The following LRP1B variants were observed in gnomAD, a reference collection of about 807,000 sequenced individuals.
LRP1B encodes LDL receptor related protein 1B, also known as low-density lipoprotein receptor-related protein 1B.
LRP1B carries 217 observed loss-of-function variants against 556.6 expected under a neutral mutation model. The ratio of observed to expected loss-of-function variants is 0.39; its 90% CI spans 0.35 to 0.44. The LOEUF (loss-of-function observed/expected upper bound fraction) is 0.44, where lower values mean the gene tolerates loss of function less well. Ranked by LOEUF, LRP1B falls within the 20% of genes least tolerant of loss-of-function variation. The pLI is 1.00. For missense variants in LRP1B, 5,053 were observed against 5,620.8 expected, an observed-to-expected ratio of 0.90 and a Z score of 3.23; for synonymous variants, 2,047 against 1,865.8, an observed-to-expected ratio of 1.10 and a Z score of -2.50.
rs570380164 is a variant in LRP1B at position 141,548,665 on chromosome 2, T to C, written c.206-68132A>G. On this transcript the variant is annotated intron_variant, in intron 2 of 90. Coordinates refer to ENST00000389484, the MANE Select transcript of LRP1B (RefSeq NM_018557.3). ...ACCCAAGACTTGCTCTGCTTGATTG[T>C]TAATCCATATTACTGTGCTGATTTA... is the stretch of plus-strand genomic sequence containing the variant. Among the ~76,000 whole-genome samples the C allele has an allele frequency of 7.9e-5, 12 of 152,298 alleles. No individual in the cohort carries two copies. The East Asian group carries it at 2.3e-3, about 29-fold the overall frequency.
intron 21 of LRP1B, among the ~76,000 whole-genome samples, chr2:140,909,850 T>C (rs1454681434): frequency 1.3e-5 from 2 of 150,980 alleles, no homozygotes; most frequent in Non-Finnish European, 3.0e-5. Context: ...AAAAGGCCAA[T>C]TAAAATTTTA....
chr2:142,051,784 C>G (rs1216955046), intron 1 of LRP1B, among the ~76,000 whole-genome samples: 1 of 151,968 alleles, frequency 6.6e-6, no homozygotes, highest in Non-Finnish European at 1.5e-5. Context: ...TTTGGAATTC[C>G]CCACCATATA....
At chr2:141,379,614 C>T (rs911547463) in intron 3 of LRP1B, among the ~76,000 whole-genome samples, 2 of 152,090 alleles carry the variant, frequency 1.3e-5, no homozygotes, top group African/African-American at 4.8e-5. Flanking sequence ...AACTGAACTC[C>T]CAGCTTCTCC....
At chr2:140,936,356 AAAAAAAGAAAG>A (rs1223080688) in intron 20 of LRP1B, among the ~76,000 whole-genome samples, 7 of 125,614 alleles carry the variant, frequency 5.6e-5, no homozygotes, top group African/African-American at 2.4e-4. Flanking sequence ...AAAAAAAAAA[AAAAAAAGAAAG>A]GAAAAAAGAA....
At chr2:141,669,033 G>C (rs554254077) in intron 2 of LRP1B, among the ~76,000 whole-genome samples, 2 of 152,232 alleles carry the variant, frequency 1.3e-5, no homozygotes, top group African/African-American at 4.8e-5. Context: ...TAAATGTTCT[G>C]AGTTAGTTTG....
intron 6 of LRP1B, among the ~76,000 whole-genome samples, chr2:141,199,224 CT>C (rs1252396567): frequency 6.6e-6 from 1 of 152,142 alleles, no homozygotes; most frequent in African/African-American, 2.4e-5. Context: ...TCATCAATAT[CT>C]TTACCAACAT....
chr2:141,861,324 C>T (rs531295846), intron 1 of LRP1B, among the ~76,000 whole-genome samples: 2 of 152,216 alleles, frequency 1.3e-5, no homozygotes, highest in East Asian at 3.9e-4. Context: ...TATTAGGACC[C>T]TACATTCAAT....
chr2:141,782,081 C>T (rs1695273647), intron 2 of LRP1B, among the ~76,000 whole-genome samples: 1 of 152,082 alleles, frequency 6.6e-6, no homozygotes, highest in Non-Finnish European at 1.5e-5. Context: ...TTTGGCTTGT[C>T]TTGTGATACT....
At position 140,882,883 on chromosome 2, in the gene LRP1B, C is replaced by G. The variant is rs545650758; in HGVS notation, c.4169+934G>C. Among the ~76,000 whole-genome samples the G allele has an allele frequency of 8.2e-4, 125 of 152,262 alleles. 1 individual carries two copies. Among genetic ancestry groups the G allele is most frequent in the Middle Eastern group, 3.4e-3 (1 of 294 alleles). On this transcript the variant is annotated intron_variant, in intron 25 of 90. Transcript: ENST00000389484. ...TGGTGCTCCCTGGACTTGATATTAC[C>G]TAAAGGTACAAACCTCCTAAAGAAT... is the stretch of plus-strand genomic sequence containing the variant.
intron 18 of LRP1B, among the ~76,000 whole-genome samples, chr2:140,968,318 A>G (rs1439738424): frequency 6.6e-6 from 1 of 151,956 alleles, no homozygotes; most frequent in African/African-American, 2.4e-5. Context: ...TTATTTGCAC[A>G]GAGGTGTTTA....
chr2:141,650,737 T>C (rs1689754322), intron 2 of LRP1B, among the ~76,000 whole-genome samples: 2 of 152,170 alleles, frequency 1.3e-5, no homozygotes, highest in Non-Finnish European at 2.9e-5. Flanking sequence ...GAAAAACATC[T>C]AGTGAATCAG....
intron 2 of LRP1B, among the ~76,000 whole-genome samples, chr2:141,722,757 G>A (rs986382058): frequency 6.6e-6 from 1 of 151,884 alleles, no homozygotes; most frequent in Non-Finnish European, 1.5e-5. Flanking sequence ...TAGATAGATA[G>A]ATAGATAGAT....
At chr2:141,636,196 T>C (rs1459169458) in intron 2 of LRP1B, among the ~76,000 whole-genome samples, 4 of 152,154 alleles carry the variant, frequency 2.6e-5, no homozygotes, top group African/African-American at 9.6e-5. Flanking sequence ...GCAACAGGTA[T>C]ATACTACTTA....
chr2:140,823,791 A>G (rs1293890928), intron 31 of LRP1B, among the ~76,000 whole-genome samples: 1 of 152,008 alleles, frequency 6.6e-6, no homozygotes. Flanking sequence ...TCAGAAAGAC[A>G]GAAAAAAAAG....
chr2:140,370,496 C>T (rs1476976613), intron 71 of LRP1B, among the ~76,000 whole-genome samples: 3 of 151,908 alleles, frequency 2.0e-5, no homozygotes, highest in Non-Finnish European at 2.9e-5. Flanking sequence ...GCCCTGTGTT[C>T]GTGTTTGTCA....
chr2:141,191,238 A>G (rs1449841021), intron 6 of LRP1B, among the ~76,000 whole-genome samples: 1 of 151,978 alleles, frequency 6.6e-6, no homozygotes, highest in Non-Finnish European at 1.5e-5. Flanking sequence ...TATATTAAAT[A>G]AATGTGTGTA....
chr2:140,646,431 A>G (rs1042683417), intron 41 of LRP1B, among the ~76,000 whole-genome samples: 6 of 152,188 alleles, frequency 3.9e-5, no homozygotes, highest in African/African-American at 1.4e-4. Context: ...ACTAGGTACT[A>G]TTAACTTAGT....
At chr2:141,298,768 A>G (rs2105425051) in intron 3 of LRP1B, among the ~76,000 whole-genome samples, 1 of 152,206 alleles carries the variant, frequency 6.6e-6, no homozygotes, top group South Asian at 2.1e-4. Context: ...CAGCCTGGCC[A>G]ACATGGTGAA....
chr2:141,098,561 C>T (rs1180978548), intron 7 of LRP1B, among the ~76,000 whole-genome samples: 1 of 152,170 alleles, frequency 6.6e-6, no homozygotes, highest in Non-Finnish European at 1.5e-5. Flanking sequence ...CCCAGTCTGG[C>T]ATCTTAGCTT....
Sources: gnomAD v4.1 joint callset for allele counts (sites outside exome capture counted in the v4.1 genomes callset) on GRCh38, gnomAD v4.1.1 for gene constraint, MANE v1.5 for transcripts, NCBI Gene and HGNC (gene_info 2026-07-23, HGNC 2026-07-21) for gene names.